The following PDCD6 variants were observed in gnomAD, a reference collection of about 807,000 sequenced individuals.
PDCD6 encodes the protein programmed cell death 6, also known as programmed cell death protein 6.
Under a neutral mutation model 28.3 loss-of-function variants are expected in PDCD6, and 12 were observed. The ratio of observed to expected loss-of-function variants is 0.42; its 90% CI spans 0.27 to 0.69. The LOEUF is 0.69. Ranked by LOEUF, PDCD6 falls within the 30% of genes least tolerant of loss-of-function variation. The pLI, the probability that PDCD6 is intolerant of heterozygous loss-of-function variation, is 0.22. For synonymous variants in PDCD6, 92 were observed against 108.0 expected, an observed-to-expected ratio of 0.85 and a Z score of 0.92; for missense variants, 226 against 269.9, an observed-to-expected ratio of 0.84 and a Z score of 1.14.
chr5:304,930 A>G (rs1740367755), intron 3 of PDCD6: 1 of 152,182 alleles, frequency 6.6e-6, no homozygotes, highest in Non-Finnish European at 1.5e-5. Context: ...GGGCTCACGC[A>G]ATCCTCCTGC....
At position 291,694 on chromosome 5, in the gene PDCD6, C is replaced by T. The variant is rs550288550; in HGVS notation, c.164-12483C>T. Among the ~76,000 whole-genome samples the T allele has an allele frequency of 6.9e-3, 1,037 of 149,584 alleles. 3 individuals are homozygous for T. The highest frequency in any genetic ancestry group is 8.0e-3 in the Admixed American group (120 of 14,916). On this transcript the variant is annotated intron_variant, in intron 2 of 5. Coordinates refer to ENST00000264933, the MANE Select transcript of PDCD6 (RefSeq NM_013232.4). The stretch of plus-strand genomic sequence containing the variant: ...TCATTTTCATTGCTGCGTGATCTCC[C>T]GTCTCCATTCTCTCCCTGAGACCCA...
intron 5 of PDCD6, chr5:313,718 C>G (rs900717920): frequency 5.2e-5 from 8 of 152,838 alleles, no homozygotes; most frequent in East Asian, 3.8e-4. Flanking sequence ...CTCCATCACC[C>G]AGGCCAGAGT....
At chr5:291,416 C>T (rs533934705) in intron 2 of PDCD6, among the ~76,000 whole-genome samples, 1 of 151,712 alleles carries the variant, frequency 6.6e-6, no homozygotes, top group African/African-American at 2.4e-5. Flanking sequence ...TTCATTGCTG[C>T]GTGATCTCCC....
Position 314,960 on chromosome 5 carries a change from G to T in PDCD6, c.*445G>T. ...GAATATGTGACGTAAGCAATAAAGG[G>T]AATGTTAGACGTGTGGTCTGCCTTC... is the stretch of plus-strand genomic sequence containing the variant. On this transcript the variant is annotated 3_prime_UTR_variant, in exon 6 of 6. Coordinates refer to ENST00000264933, the MANE Select transcript of PDCD6 (RefSeq NM_013232.4). The T allele has an allele frequency of 3.4e-6, 1 of 294,424 alleles. No individual in the cohort carries two copies. Among genetic ancestry groups the T allele is most frequent in the Non-Finnish European group, 6.6e-6 (1 of 150,676 alleles). 18.2% of individuals were successfully genotyped at this position (294,424 alleles called of 1,614,324 possible).
chr5:280,313 CAG>C (rs1364381789), intron 2 of PDCD6, among the ~76,000 whole-genome samples: 1 of 152,080 alleles, frequency 6.6e-6, no homozygotes, highest in Non-Finnish European at 1.5e-5. Context: ...GGGAACAGCA[CAG>C]GGGAGAGACC....
intron 2 of PDCD6, among the ~76,000 whole-genome samples, chr5:287,654 G>A (rs935717385): frequency 6.6e-6 from 1 of 152,082 alleles, no homozygotes; most frequent in Non-Finnish European, 1.5e-5. Context: ...ATAGACCCAT[G>A]CAAAGCTATA....
intron 2 of PDCD6, among the ~76,000 whole-genome samples, chr5:277,617 G>T (rs1418789515): frequency 6.6e-6 from 1 of 150,792 alleles, no homozygotes; most frequent in African/African-American, 2.4e-5. Flanking sequence ...TGTATTTTTA[G>T]TACAGACAGG....
chr5:313,290 A>G (rs1741044137), intron 5 of PDCD6, among the ~76,000 whole-genome samples: 1 of 152,280 alleles, frequency 6.6e-6, no homozygotes, highest in Non-Finnish European at 1.5e-5. Context: ...TTTCTAACAA[A>G]TAACATGAAC....
At position 314,595 on chromosome 5, in the gene PDCD6, A is replaced by G. The variant is rs779050494; in HGVS notation, c.*80A>G. ...TCCTATCTGTGAGGGAATGGAGCAC[A>G]GGTGCAGTTAGATGCTGTTCTTCCT... On this transcript the variant is annotated 3_prime_UTR_variant, in exon 6 of 6. Transcript: ENST00000264933. The G allele has an allele frequency of 1.7e-5, 17 of 978,492 alleles. No homozygotes were observed. Among genetic ancestry groups the G allele is most frequent in the Non-Finnish European group, 2.6e-5 (16 of 611,662 alleles). The allele number at this position is 978,492 out of a possible 1,614,324, so 60.6% of individuals were successfully genotyped here. A position where few individuals can be genotyped will look rare whatever the true frequency, so the allele number is the denominator to read the frequency against.
intron 2 of PDCD6, among the ~76,000 whole-genome samples, chr5:279,043 C>T (rs1738396660): frequency 6.6e-6 from 1 of 152,150 alleles, no homozygotes; most frequent in Non-Finnish European, 1.5e-5. Context: ...CTTCTCTGTC[C>T]TCCATGGGGA....
intron 2 of PDCD6, chr5:289,999 G>GT: frequency 6.2e-7 from 1 of 1,600,874 alleles, no homozygotes; most frequent in South Asian, 1.1e-5. Context: ...CCTTGGATCT[G>GT]TTAACAATTC....
At chr5:291,892 G>T (rs1284624836) in intron 2 of PDCD6, among the ~76,000 whole-genome samples, 8 of 152,356 alleles carry the variant, frequency 5.3e-5, no homozygotes, top group East Asian at 1.9e-4. Flanking sequence ...AGTGCAAGTT[G>T]CTTCTGGTCA....
intron 2 of PDCD6, among the ~76,000 whole-genome samples, chr5:291,641 C>G (rs1249449302): frequency 6.7e-6 from 1 of 148,844 alleles, no homozygotes; most frequent in Non-Finnish European, 1.5e-5. Context: ...TCCATTCTCT[C>G]CCTGAGACCC....
At chr5:309,081 A>T in intron 4 of PDCD6, 1 of 152,504 alleles carries the variant, frequency 6.6e-6, no homozygotes. Context: ...CCACTGTACC[A>T]GGCCCCCAAG....
chr5:314,687 G>A lies in PDCD6; in HGVS notation c.*172G>A, dbSNP rs773288149. The A allele has an allele frequency of 6.9e-5, 48 of 692,802 alleles. 1 individual carries two copies. In the Middle Eastern group the frequency reaches 3.9e-3, roughly 57 times the overall value. 42.9% of individuals were successfully genotyped at this position (692,802 alleles called of 1,614,324 possible). ...TAAGCTGATTAATGGTTTTGCAACT[G>A]TAATAGTAGCTGTATCGTTCTAATG... On this transcript the variant is annotated 3_prime_UTR_variant, in exon 6 of 6. Transcript: ENST00000264933.
intron 2 of PDCD6, among the ~76,000 whole-genome samples, chr5:290,641 A>T (rs1366861717): frequency 6.6e-6 from 1 of 150,836 alleles, no homozygotes; most frequent in African/African-American, 2.4e-5. Flanking sequence ...CTTAGAACTT[A>T]CCATTTTTCC....
intron 2 of PDCD6, among the ~76,000 whole-genome samples, chr5:285,733 C>G (rs901962314): frequency 6.7e-6 from 1 of 150,208 alleles, no homozygotes; most frequent in South Asian, 2.1e-4. Flanking sequence ...GTTTGAAGGC[C>G]GTGCATTTGG....
At chr5:289,000 C>A (rs1226536492) in intron 2 of PDCD6, 1 of 1,242,480 alleles carries the variant, frequency 8.0e-7, no homozygotes, top group Non-Finnish European at 1.2e-6. Context: ...TCATTACCTT[C>A]GGAATGTAGT....
At chr5:302,070 CTGTGTGTGTGTG>C (rs369323059) in intron 2 of PDCD6, among the ~76,000 whole-genome samples, 7,943 of 57,586 alleles carry the variant, frequency 0.14, 611 homozygotes, top group Non-Finnish European at 0.19. Context: ...GAGTGCTGCT[CTGTGTGTGTGTG>C]TGTGTGTGTG....
Sources: gnomAD v4.1 joint callset for allele counts (sites outside exome capture counted in the v4.1 genomes callset) on GRCh38, gnomAD v4.1.1 for gene constraint, MANE v1.5 for transcripts, NCBI Gene and HGNC (gene_info 2026-07-23, HGNC 2026-07-21) for gene names.